VWF: variants seen among roughly 807,000 people sequenced by gnomAD.
The protein encoded by VWF is von Willebrand factor.
Under a neutral mutation model 308.6 loss-of-function variants are expected in VWF, and 176 were observed. The ratio of observed to expected loss-of-function variants is 0.57; its 90% confidence interval spans 0.50 to 0.65. The LOEUF (loss-of-function observed/expected upper bound fraction) is 0.65. VWF is among the 30% of genes least tolerant of loss of function. The probability of loss-of-function intolerance (pLI) is 0.00; values close to 1 mark genes in which losing one functional copy is unlikely to be tolerated. For missense variants in VWF, 3,146 were observed against 3,648.2 expected (o/e 0.86, Z 3.55); for synonymous variants, 1,385 against 1,443.4 (o/e 0.96, Z 0.92).
Position 6,123,215 on chromosome 12 carries a change from C to T in VWF, c.1-19G>A, listed in dbSNP as rs759060671. 20 of 1,614,064 alleles carry T rather than the reference C, an allele frequency of 1.2e-5. No individual in the cohort carries two copies. Among genetic ancestry groups the T allele is most frequent in the Non-Finnish European group, 1.5e-5 (18 of 1,180,044 alleles). On this transcript the variant is annotated intron_variant, in intron 1 of 51. Transcript: ENST00000261405. ...GAATCATCTGCAAAGAAGCAAGAGA[C>T]GTGAGCTGGTCATTGCTGCCCAGGT...
At position 5,996,216 on chromosome 12, in the gene VWF, C is replaced by T. The variant is rs1591849732; in HGVS notation, c.5849G>A (p.Cys1950Tyr). 5 of 1,611,708 alleles carry T rather than the reference C, an allele frequency of 3.1e-6. No individual in the cohort carries two copies. Among genetic ancestry groups the T allele is most frequent in the Non-Finnish European group, 4.2e-6 (5 of 1,179,030 alleles). Residue 1950 changes from cysteine (C) to tyrosine (Y), a missense_variant, in exon 35 of 52, where the codon TGC becomes TAC. Cys to Tyr is a radical substitution (Grantham distance 194). Around this residue, in one of 3 missense-constraint regions of VWF, gnomAD observed 989 missense variants for 1,117.4 expected, o/e 0.89. Transcript: ENST00000261405. ...CGCRWTCPCV[C>Y]TGSSTRHIVT... Reference sequence around the variant, plus strand: ...GATGTGCCGAGTGGAGCTGCCTGTGCACACGCCTGGACAGAGAGAAGCAGA... The same window carrying T: ...GATGTGCCGAGTGGAGCTGCCTGTGTACACGCCTGGACAGAGAGAAGCAGA...
intron 5 of VWF, among the ~76,000 whole-genome samples, chr12:6,101,264 G>A (rs1945158410): frequency 6.6e-6 from 1 of 152,100 alleles, no homozygotes; most frequent in South Asian, 2.1e-4. Context: ...AGCATTTGCT[G>A]GTTTCCATCG....
chr12:6,021,839 A>C, intron 27 of VWF, 61 bp downstream of exon 27: 1 of 1,612,494 alleles, frequency 6.2e-7, no homozygotes, highest in Non-Finnish European at 8.5e-7. Flanking sequence ...CTAGTCTCTA[A>C]GCTGGCCCCT....
rs139576757 is a variant in VWF at position 5,991,702 on chromosome 12, C to A, written c.6798+117G>T. 369 of 1,089,930 alleles carry A rather than the reference C, an allele frequency of 3.4e-4. 2 individuals are homozygous for A. The East Asian group carries it at 8.8e-3, about 26-fold the overall frequency. 67.5% of individuals were successfully genotyped at this position (1,089,930 alleles called of 1,614,324 possible). A position where few individuals can be genotyped will look rare whatever the true frequency, so the allele number is the denominator to read the frequency against. On this transcript the variant is annotated intron_variant, in intron 38 of 51. Coordinates refer to ENST00000261405, the MANE Select transcript of VWF (RefSeq NM_000552.5). ...TACTGCCTCCCTATCCCTAATGATC[C>A]CCGTAAGAGTCAACCCTGCTGCCAC...
intron 6 of VWF, among the ~76,000 whole-genome samples, chr12:6,092,612 AGTGAGAGTGTGTGTGTGTGTGTGT>A: frequency 1.4e-5 from 1 of 70,490 alleles, no homozygotes; most frequent in South Asian, 5.4e-4. Context: ...TTAGTGAGTG[AGTGAGAGTGTGTGTGTGTGTGTGT>A]GTGTGTGTGT....
chr12:5,979,994 C>T (rs1265347754), intron 42 of VWF, among the ~76,000 whole-genome samples: 1 of 144,114 alleles, frequency 6.9e-6, no homozygotes, highest in Non-Finnish European at 1.5e-5. Context: ...TGAGCCGAGA[C>T]TGCGCCACTG....
At chr12:6,067,831 T>A (rs564443127) in intron 10 of VWF, among the ~76,000 whole-genome samples, 1 of 147,696 alleles carries the variant, frequency 6.8e-6, no homozygotes, top group African/African-American at 2.5e-5. Flanking sequence ...AAACTGCATT[T>A]AAAAAAAAAA....
intron 5 of VWF, among the ~76,000 whole-genome samples, chr12:6,100,327 A>G (rs997216088): frequency 2.0e-5 from 3 of 148,316 alleles, no homozygotes; most frequent in African/African-American, 5.2e-5. Flanking sequence ...TGTGGAAGTC[A>G]GTGTGGTGAT....
chr12:6,038,094 G>T (rs932738272), intron 18 of VWF, among the ~76,000 whole-genome samples: 1 of 152,154 alleles, frequency 6.6e-6, no homozygotes, highest in African/African-American at 2.4e-5. Context: ...TCTTGGGAGG[G>T]AATGAGCTTA....
Position 6,095,441 on chromosome 12 carries a change from C to A in VWF, c.657+19G>T. The A allele has an allele frequency of 6.2e-7, 1 of 1,614,012 alleles. No homozygotes were observed. Among genetic ancestry groups the A allele is most frequent in the Non-Finnish European group, 8.5e-7 (1 of 1,179,940 alleles). ...AAATCACACACCATCCAGGTGCACC[C>A]AGGCCAGTCCACACCCACCTTCTGC... On this transcript the variant is annotated intron_variant, in intron 6 of 51. Coordinates refer to ENST00000261405, the MANE Select transcript of VWF (RefSeq NM_000552.5).
chr12:6,087,695 A>G (rs1282559896), intron 6 of VWF, among the ~76,000 whole-genome samples: 4 of 152,068 alleles, frequency 2.6e-5, no homozygotes, highest in Non-Finnish European at 5.9e-5. Flanking sequence ...AGGTCACAGC[A>G]TAACCTGTCT....
In VWF at chr12:6,019,297, C is replaced by G; in HGVS notation, c.4121G>C (p.Arg1374Pro). 1 of 1,613,878 alleles carries G rather than the reference C, an allele frequency of 6.2e-7. No individual in the cohort carries two copies. The highest frequency in any genetic ancestry group is 8.5e-7 in the Non-Finnish European group (1 of 1,179,856). Reference protein sequence around the residue: ...TLFQIFSKIDRPEASRITLLL... With the variant: ...TLFQIFSKIDPPEASRITLLL... ...CAGGGTGATGCGGGAGGCTTCAGGG[C>G]GGTCGATCTTGCTGAAGATTTGGAA... The change falls in exon 28 of 52, where the codon CGC becomes CCC. Residue 1374 changes from arginine (R) to proline (P), a missense_variant. Physicochemically the swap from Arg to Pro is moderately radical, Grantham distance 103. Coordinates refer to ENST00000261405, the MANE Select transcript of VWF (RefSeq NM_000552.5). The surrounding 1 kb of genome is among the most constrained non-coding windows in gnomAD (Gnocchi z 5.8).
intron 38 of VWF, among the ~76,000 whole-genome samples, chr12:5,990,862 T>C (rs216892): frequency 4.1e-5 from 4 of 97,234 alleles, no homozygotes; most frequent in South Asian, 3.4e-4. Context: ...ATAACTCCCA[T>C]AGAGCTAAAA....
chr12:5,975,207 T>G (rs1591838372), intron 43 of VWF, among the ~76,000 whole-genome samples: 1 of 152,208 alleles, frequency 6.6e-6, no homozygotes, highest in Non-Finnish European at 1.5e-5. Context: ...CCTCAGGCCC[T>G]CCTCCGTCAA....
intron 5 of VWF, among the ~76,000 whole-genome samples, chr12:6,100,588 T>A (rs1458111332): frequency 2.0e-5 from 3 of 152,052 alleles, no homozygotes; most frequent in African/African-American, 7.3e-5. Context: ...TCATGTCCTT[T>A]GTAGGGACAT....
At chr12:6,109,988 G>A (rs534004314) in intron 5 of VWF, among the ~76,000 whole-genome samples, 13 of 152,210 alleles carry the variant, frequency 8.5e-5, no homozygotes, top group South Asian at 2.1e-4. Flanking sequence ...TCTATTGCTC[G>A]TGAACACACA....
At chr12:6,085,425 A>G (rs963669091) in intron 6 of VWF, among the ~76,000 whole-genome samples, 13 of 152,200 alleles carry the variant, frequency 8.5e-5, no homozygotes, top group African/African-American at 3.1e-4. Flanking sequence ...TGTATCACGC[A>G]AGCCATATGA....
chr12:6,068,705 T>C (rs1010600631), intron 10 of VWF, among the ~76,000 whole-genome samples: 2 of 152,024 alleles, frequency 1.3e-5, no homozygotes, highest in African/African-American at 4.8e-5. Flanking sequence ...GCCAGGTTGG[T>C]CTCAAACTCC....
chr12:6,029,505 C>A lies in VWF; in HGVS notation c.2821-17G>T. The A allele has an allele frequency of 6.2e-7, 1 of 1,613,954 alleles. No homozygotes were observed. Among genetic ancestry groups the A allele is most frequent in the East Asian group, 2.2e-5 (1 of 44,878 alleles). ...CACATTCACCTGGAGGAAGACAAAG[C>A]AAGAAATCCAGGAGGATGAAGGGCA... On this transcript the variant is annotated splice_polypyrimidine_tract_variant and intron_variant, in intron 21 of 51. Transcript: ENST00000261405.
Sources: allele counts gnomAD v4.1 joint callset (sites outside exome capture counted in the v4.1 genomes callset), GRCh38; gene constraint gnomAD v4.1.1; regional missense constraint gnomAD v4.1.1; non-coding constraint Gnocchi (gnomAD v3.1); transcripts MANE v1.5; gene names NCBI Gene and HGNC (gene_info 2026-07-23, HGNC 2026-07-21).